Variants in ABCA4 observed in about 807,000 individuals in gnomAD.
The protein encoded by ABCA4 is retinal-specific phospholipid-transporting ATPase ABCA4.
In ABCA4, 196 loss-of-function variants were observed where a neutral mutation model predicts 263.7. The observed-to-expected ratio is 0.74, with a 90% confidence interval of 0.66 to 0.84. ABCA4 has a LOEUF of 0.84. Ranked by LOEUF, ABCA4 falls within the 40% of genes least tolerant of loss-of-function variation. The pLI is 0.00. For missense variants in ABCA4, 2,792 were observed against 2,855.1 expected (o/e 0.98, Z 0.50); for synonymous variants, 1,133 against 1,094.2 (o/e 1.04, Z -0.70).
In ABCA4 at chr1:93,993,178, C is replaced by T. The variant is rs1207740524; in HGVS notation, c.*59G>A. ...TTGGATGACCATATGGGCACAGGCT[C>T]CTGCGCCTCCAGCTGCCCAGAGTTC... On this transcript the variant is annotated 3_prime_UTR_variant, in exon 50 of 50. Coordinates refer to ENST00000370225, the MANE Select transcript of ABCA4 (RefSeq NM_000350.3). The T allele has an allele frequency of 1.2e-5, 20 of 1,612,664 alleles. No individual in the cohort carries two copies. Among genetic ancestry groups the T allele is most frequent in the East Asian group, 2.2e-5 (1 of 44,874 alleles).
At chr1:94,055,045 A>G in intron 16 of ABCA4, 66 bp downstream of exon 16, 2 of 1,432,504 alleles carry the variant, frequency 1.4e-6, no homozygotes, top group South Asian at 1.2e-5. Context: ...TTTAAACTAG[A>G]TGAATGGAGA....
At chr1:94,022,342 G>A (rs968309666) in intron 32 of ABCA4, among the ~76,000 whole-genome samples, 3 of 152,110 alleles carry the variant, frequency 2.0e-5, no homozygotes, top group Admixed American at 6.6e-5. Context: ...TGGGAGCATC[G>A]AGCCAACTCC....
At chr1:94,028,699 G>A (rs1660102629) in intron 30 of ABCA4, among the ~76,000 whole-genome samples, 1 of 151,934 alleles carries the variant, frequency 6.6e-6, no homozygotes, top group Non-Finnish European at 1.5e-5. Context: ...TTGAGGCCAG[G>A]AGTTCAACAC....
intron 16 of ABCA4, among the ~76,000 whole-genome samples, chr1:94,053,999 A>T (rs1660906191): frequency 6.6e-6 from 1 of 152,238 alleles, no homozygotes; most frequent in Non-Finnish European, 1.5e-5. Context: ...TGGCTACAGC[A>T]TCAAGAGCCA....
chr1:94,065,457 T>C (rs553608), intron 11 of ABCA4, among the ~76,000 whole-genome samples: 116,691 of 152,068 alleles, frequency 0.77, 44,956 homozygotes, highest in East Asian at 0.85. Context: ...TGGGAAGAAG[T>C]AGGCAATCCC....
intron 4 of ABCA4, among the ~76,000 whole-genome samples, chr1:94,104,973 A>G (rs1028175247): frequency 2.6e-5 from 4 of 151,884 alleles, no homozygotes; most frequent in Admixed American, 2.6e-4. Flanking sequence ...ACGCATGCAC[A>G]CACATGCACA....
At chr1:94,017,354 G>T (rs1659771040) in intron 36 of ABCA4, among the ~76,000 whole-genome samples, 1 of 152,148 alleles carries the variant, frequency 6.6e-6, no homozygotes, top group Non-Finnish European at 1.5e-5. Flanking sequence ...TGATACTGCT[G>T]CCAAGATGCA....
chr1:94,114,130 C>T (rs1662684804), intron 1 of ABCA4, among the ~76,000 whole-genome samples: 1 of 152,190 alleles, frequency 6.6e-6, no homozygotes, highest in Non-Finnish European at 1.5e-5. Context: ...TTTCATGTAA[C>T]CCTTTGTTGT....
intron 1 of ABCA4, 93 bp downstream of exon 1, chr1:94,120,887 G>GGGCCCCCCC: frequency 2.9e-5 from 10 of 339,360 alleles, no homozygotes; most frequent in East Asian, 5.1e-5. Flanking sequence ...CCCCCACCCT[G>GGGCCCCCCC]CCCCACCACC....
intron 26 of ABCA4, among the ~76,000 whole-genome samples, chr1:94,035,542 T>C (rs750861239): frequency 6.6e-6 from 1 of 152,146 alleles, no homozygotes; most frequent in South Asian, 2.1e-4. Context: ...TGAAGAAAGA[T>C]GAAAACCAAG....
intron 7 of ABCA4, 54 bp downstream of exon 7, chr1:94,083,298 G>T: frequency 7.3e-7 from 1 of 1,367,314 alleles, no homozygotes; most frequent in Non-Finnish European, 1.0e-6. Flanking sequence ...CATAAGTGGG[G>T]TAAATGGTGG....
chr1:93,998,318 T>A (rs1296198960), intron 47 of ABCA4, among the ~76,000 whole-genome samples: 1 of 152,036 alleles, frequency 6.6e-6, no homozygotes. Context: ...AGAAAGACCC[T>A]GTCTCTACGA....
At position 94,042,887 on chromosome 1, in the gene ABCA4, T is replaced by C; in HGVS notation, c.3202A>G (p.Arg1068Gly). 2.5e-6 allele frequency: 4 copies of C among 1,614,174 alleles called. No individual in the cohort carries two copies. The highest frequency in any genetic ancestry group is 3.4e-6 in the Non-Finnish European group (4 of 1,180,038). The change falls in exon 22 of 50, where the codon AGA (arginine) becomes GGA (glycine). Residue 1068 changes from arginine to glycine, a missense_variant. Coordinates refer to ENST00000370225, the MANE Select transcript of ABCA4 (RefSeq NM_000350.3). ...EAQDLSGGMQ[R>G]KLSVAIAFVG... ...AAGGCAATGGCAACCGACAGCTTTC[T>C]CTGCATGCCACCTGGAGGCACAAGA...
At chr1:94,011,495 A>G in intron 38 of ABCA4, 110 bp from the exon 39 acceptor site, 1 of 1,555,008 alleles carries the variant, frequency 6.4e-7, no homozygotes, top group South Asian at 1.1e-5. Flanking sequence ...AGGCCTGCAG[A>G]CAGAGAGTCC....
chr1:94,092,570 G>A (rs929510129), intron 6 of ABCA4, among the ~76,000 whole-genome samples: 1 of 152,164 alleles, frequency 6.6e-6, no homozygotes, highest in Admixed American at 6.5e-5. Flanking sequence ...CATGTCAAAC[G>A]GTCTCTACCA....
At chr1:94,065,107 A>C (rs766137515) in intron 11 of ABCA4, among the ~76,000 whole-genome samples, 1 of 152,104 alleles carries the variant, frequency 6.6e-6, no homozygotes, top group African/African-American at 2.4e-5. Flanking sequence ...GGTCACCCAG[A>C]GAGACAGTGG....
chr1:94,120,404 G>A (rs1662916481), intron 1 of ABCA4, among the ~76,000 whole-genome samples: 1 of 152,220 alleles, frequency 6.6e-6, no homozygotes, highest in African/African-American at 2.4e-5. Context: ...CTAGGACGCA[G>A]TCAATTGTAA....
chr1:94,097,187 G>T (rs1662146042), intron 6 of ABCA4, among the ~76,000 whole-genome samples: 1 of 152,104 alleles, frequency 6.6e-6, no homozygotes, highest in African/African-American at 2.4e-5. Flanking sequence ...GGGGTCCTGG[G>T]CTCTCACTGA....
intron 22 of ABCA4, among the ~76,000 whole-genome samples, chr1:94,042,189 A>G (rs1660509605): frequency 6.6e-6 from 1 of 152,094 alleles, no homozygotes; most frequent in Non-Finnish European, 1.5e-5. Flanking sequence ...GCACGGGGCA[A>G]CGCTGTGTGA....
Sources: allele counts gnomAD v4.1 joint callset (sites outside exome capture counted in the v4.1 genomes callset), GRCh38; gene constraint gnomAD v4.1.1; transcripts MANE v1.5; gene names NCBI Gene and HGNC (gene_info 2026-07-23, HGNC 2026-07-21).